The following MBD5 variants were observed in gnomAD, a reference collection of about 807,000 sequenced individuals.
MBD5 encodes methyl-CpG binding domain protein 5.
A neutral mutation model predicts 117.3 loss-of-function variants in MBD5; 13 were observed. The ratio of observed to expected loss-of-function variants is 0.11; its 90% confidence interval spans 0.07 to 0.18. The LOEUF (loss-of-function observed/expected upper bound fraction) is 0.18, where lower values mean the gene tolerates loss of function less well. MBD5 is among the 10% of genes least tolerant of loss of function. The probability of loss-of-function intolerance (pLI) is 1.00; values close to 1 mark genes in which losing one functional copy is unlikely to be tolerated. For missense variants in MBD5, 1,879 were observed against 2,093.8 expected, an observed-to-expected ratio of 0.90 and a Z score of 2.00; for synonymous variants, 727 against 766.4, an observed-to-expected ratio of 0.95 and a Z score of 0.85.
chr2:148,139,411 G>C (rs1194566575), intron 1 of MBD5, among the ~76,000 whole-genome samples: 1 of 152,050 alleles, frequency 6.6e-6, no homozygotes, highest in Non-Finnish European at 1.5e-5. Context: ...TCTCCATGTT[G>C]GTCAAGCTGG....
chr2:148,295,963 T>A (rs182632444), intron 3 of MBD5: 310 of 160,086 alleles, frequency 1.9e-3, no homozygotes, highest in Non-Finnish European at 3.2e-3. Flanking sequence ...GCTACAACAC[T>A]CTTCACAGTA....
intron 1 of MBD5, among the ~76,000 whole-genome samples, chr2:148,061,406 T>C (rs1695030709): frequency 6.6e-6 from 1 of 152,110 alleles, no homozygotes; most frequent in African/African-American, 2.4e-5. Context: ...TTGTCTTTCC[T>C]CTACCCTTCC....
chr2:148,195,355 T>C (rs1257919528), intron 2 of MBD5, among the ~76,000 whole-genome samples: 1 of 152,168 alleles, frequency 6.6e-6, no homozygotes, highest in Non-Finnish European at 1.5e-5. Context: ...AGAGGATTTA[T>C]TCTCCTAAAT....
At chr2:148,436,380 G>A (rs757253959) in intron 4 of MBD5, among the ~76,000 whole-genome samples, 1 of 151,780 alleles carries the variant, frequency 6.6e-6, no homozygotes, top group Admixed American at 6.6e-5. Flanking sequence ...TGTTTTGTTT[G>A]GTTTTGTTTT....
chr2:148,075,711 T>G (rs1195431646), intron 1 of MBD5, among the ~76,000 whole-genome samples: 1 of 152,052 alleles, frequency 6.6e-6, no homozygotes, highest in Non-Finnish European at 1.5e-5. Flanking sequence ...GGTTAATGTA[T>G]TCTTAAGTGT....
chr2:148,343,446 G>C (rs946606184), intron 4 of MBD5, among the ~76,000 whole-genome samples: 1 of 151,922 alleles, frequency 6.6e-6, no homozygotes, highest in Non-Finnish European at 1.5e-5. Flanking sequence ...GTTGTTTTTT[G>C]ACTTTTTAAT....
At chr2:148,272,203 G>A (rs1182113024) in intron 3 of MBD5, among the ~76,000 whole-genome samples, 1 of 152,260 alleles carries the variant, frequency 6.6e-6, no homozygotes, top group East Asian at 1.9e-4. Context: ...TGGACACTGA[G>A]GTTGATTCCA....
chr2:148,495,161 G>A (rs979332568), intron 11 of MBD5, among the ~76,000 whole-genome samples: 1 of 152,194 alleles, frequency 6.6e-6, no homozygotes, highest in Non-Finnish European at 1.5e-5. Context: ...AGATCTTGGC[G>A]TAATGTTAGG....
chr2:148,299,917 C>G (rs1701742656), intron 3 of MBD5, among the ~76,000 whole-genome samples: 1 of 152,208 alleles, frequency 6.6e-6, no homozygotes, highest in Admixed American at 6.5e-5. Context: ...ACTGCTTTCT[C>G]TTAAGCAGAC....
In MBD5 at chr2:148,446,602, C is replaced by CTGTGTGTGTGTGTGTGTG. The variant is rs1185100489; in HGVS notation, c.-556-11589_-556-11572dup. The stretch of plus-strand genomic sequence containing the variant: ...TTAATTTACATACCAGATTATTTAT[C>CTGTGTGTGTGTGTGTGTG]TGTGTGTGTGTGTGTGTGTGTGTGT... On this transcript the variant is annotated intron_variant, in intron 4 of 13. Coordinates refer to ENST00000642680, the MANE Select transcript of MBD5 (RefSeq NM_001378120.1). Among the ~76,000 whole-genome samples the CTGTGTGTGTGTGTGTGTG allele has an allele frequency of 8.0e-3, 1,191 of 148,860 alleles. 12 individuals are homozygous for CTGTGTGTGTGTGTGTGTG. The highest frequency in any genetic ancestry group is 0.011 in the Non-Finnish European group (740 of 67,330).
intron 1 of MBD5, among the ~76,000 whole-genome samples, chr2:148,168,801 C>T (rs960848335): frequency 6.6e-6 from 1 of 151,834 alleles, no homozygotes; most frequent in Non-Finnish European, 1.5e-5. Context: ...GGACTCAGTG[C>T]AGCAAGAAAC....
chr2:148,109,288 G>C (rs918839817), intron 1 of MBD5, among the ~76,000 whole-genome samples: 51 of 151,624 alleles, frequency 3.4e-4, no homozygotes, highest in Non-Finnish European at 4.3e-4. Flanking sequence ...CTGTCTCAAA[G>C]AGAAAAAAAA....
chr2:148,141,870 G>A (rs1426642117), intron 1 of MBD5, among the ~76,000 whole-genome samples: 1 of 152,008 alleles, frequency 6.6e-6, no homozygotes, highest in African/African-American at 2.4e-5. Flanking sequence ...CCACATTTTG[G>A]GAGGCTGAGG....
At chr2:148,142,247 C>T (rs1697337820) in intron 1 of MBD5, among the ~76,000 whole-genome samples, 1 of 151,922 alleles carries the variant, frequency 6.6e-6, no homozygotes, top group Admixed American at 6.6e-5. Flanking sequence ...TTGAAAAAGC[C>T]CACTGAAATA....
At chr2:148,219,285 C>A (rs578246163) in intron 2 of MBD5, among the ~76,000 whole-genome samples, 1 of 152,264 alleles carries the variant, frequency 6.6e-6, no homozygotes, top group South Asian at 2.1e-4. Flanking sequence ...ATCTCAGGGG[C>A]AGTAACCCAC....
At chr2:148,380,522 A>G (rs1704106872) in intron 4 of MBD5, among the ~76,000 whole-genome samples, 1 of 152,226 alleles carries the variant, frequency 6.6e-6, no homozygotes, top group African/African-American at 2.4e-5. Flanking sequence ...CATTAACCAA[A>G]GAAGAAATAC....
chr2:148,386,083 A>C (rs1704350853), intron 4 of MBD5, among the ~76,000 whole-genome samples: 1 of 152,098 alleles, frequency 6.6e-6, no homozygotes, highest in Non-Finnish European at 1.5e-5. Context: ...CACGTTGTGC[A>C]CATGTCCCCT....
At chr2:148,328,916 A>G (rs1702553555) in intron 3 of MBD5, among the ~76,000 whole-genome samples, 1 of 152,252 alleles carries the variant, frequency 6.6e-6, no homozygotes, top group Non-Finnish European at 1.5e-5. Context: ...TCTTTAATTC[A>G]AGAATATCAT....
chr2:148,182,496 T>C (rs1390001752), intron 2 of MBD5, among the ~76,000 whole-genome samples: 1 of 152,194 alleles, frequency 6.6e-6, no homozygotes, highest in Non-Finnish European at 1.5e-5. Flanking sequence ...AGTGTAATTT[T>C]CTTATTTTCC....
Sources: gnomAD v4.1 joint callset for allele counts (sites outside exome capture counted in the v4.1 genomes callset) on GRCh38, gnomAD v4.1.1 for gene constraint, MANE v1.5 for transcripts, NCBI Gene and HGNC (gene_info 2026-07-23, HGNC 2026-07-21) for gene names.